The following XKR6 variants were observed in gnomAD, a reference collection of about 807,000 sequenced individuals.
XKR6 encodes the protein XK related 6.
XKR6 carries 22 observed loss-of-function variants against 56.7 expected under a neutral mutation model. That is an observed-to-expected ratio of 0.39 (90% confidence interval 0.28 to 0.55). The LOEUF (loss-of-function observed/expected upper bound fraction) is 0.55. Ranked by LOEUF, XKR6 falls within the 20% of genes least tolerant of loss-of-function variation. The pLI, the probability that XKR6 is intolerant of heterozygous loss-of-function variation, is 0.66. For synonymous variants in XKR6, 524 were observed against 387.8 expected (o/e 1.35, Z -4.13); for missense variants, 852 against 889.0 (o/e 0.96, Z 0.53).
In XKR6 at chr8:10,898,817, T is replaced by C. The variant is rs1799957550; in HGVS notation, c.1061A>G (p.Tyr354Cys). The C allele has an allele frequency of 6.2e-7, 1 of 1,614,194 alleles. No homozygotes were observed. Among genetic ancestry groups the C allele is most frequent in the Non-Finnish European group, 8.5e-7 (1 of 1,180,032 alleles). Residue 354 changes from tyrosine (Y) to cysteine (C), a missense_variant, in exon 3 of 3, where the codon TAC becomes TGC. This residue lies in a region of XKR6 where 199 missense variants were observed against 280.4 expected (regional missense o/e 0.71). Transcript: ENST00000416569. This position sits in a 1 kb window ranked among gnomAD's most constrained non-coding sequence, Gnocchi z 6.6. Reference sequence around the variant, plus strand: ...GAAGACCTGGATGATGGCCCCTCTGTAGCTCATGCTCTTCTTGTCGTCCCT... The same window carrying C: ...GAAGACCTGGATGATGGCCCCTCTGCAGCTCATGCTCTTCTTGTCGTCCCT... ...DSRDDKKSMS[Y>C]RGAIIQVFWR...
intron 1 of XKR6, among the ~76,000 whole-genome samples, chr8:10,973,365 G>GTT (rs1446069572): frequency 6.6e-6 from 1 of 152,154 alleles, no homozygotes; most frequent in Non-Finnish European, 1.5e-5. Context: ...GGTTCCATGG[G>GTT]TTCCCTGGCC....
At position 11,167,736 on chromosome 8, in the gene XKR6, C is replaced by T. The variant is rs545615837; in HGVS notation, c.764+32840G>A. 1.5e-3 allele frequency among the ~76,000 whole-genome samples: 228 copies of T among 152,168 alleles called. 2 individuals carry two copies. The highest frequency in any genetic ancestry group is 5.1e-3 in the African/African-American group (212 of 41,516). Reference sequence around the variant, plus strand: ...CTGGCTCACTATTGAAGGAGGGCCCCAGCAAAGAGCCAACCTGCAAAAACT... The same window carrying T: ...CTGGCTCACTATTGAAGGAGGGCCCTAGCAAAGAGCCAACCTGCAAAAACT... On this transcript the variant is annotated intron_variant, in intron 1 of 2. Coordinates refer to ENST00000416569, the MANE Select transcript of XKR6 (RefSeq NM_173683.4).
intron 1 of XKR6, among the ~76,000 whole-genome samples, chr8:10,925,953 C>T (rs973316265): frequency 6.6e-6 from 1 of 152,128 alleles, no homozygotes; most frequent in African/African-American, 2.4e-5. Flanking sequence ...GGCCACAGTG[C>T]ACAGCTCTGT....
At chr8:10,994,877 G>A (rs1228482301) in intron 1 of XKR6, among the ~76,000 whole-genome samples, 1 of 152,190 alleles carries the variant, frequency 6.6e-6, no homozygotes, top group Admixed American at 6.5e-5. Flanking sequence ...GGACAGCAGT[G>A]GGTGGGACAG....
At chr8:11,073,637 A>C (rs563587426) in intron 1 of XKR6, among the ~76,000 whole-genome samples, 1 of 152,320 alleles carries the variant, frequency 6.6e-6, no homozygotes, top group African/African-American at 2.4e-5. Context: ...TTCCAGACCA[A>C]AACTTTTCAT....
intron 1 of XKR6, among the ~76,000 whole-genome samples, chr8:11,032,671 C>G (rs902245581): frequency 1.3e-5 from 2 of 152,144 alleles, no homozygotes; most frequent in African/African-American, 4.8e-5. Flanking sequence ...GGTACAGGCT[C>G]ACTCCAACAG....
chr8:11,192,416 G>A (rs1176971742), intron 1 of XKR6, among the ~76,000 whole-genome samples: 2 of 152,076 alleles, frequency 1.3e-5, no homozygotes, highest in Non-Finnish European at 2.9e-5. Context: ...CCAAAGTGCT[G>A]GGATTACAGA....
chr8:11,030,856 G>T (rs79477057), intron 1 of XKR6, among the ~76,000 whole-genome samples: 4,116 of 152,264 alleles, frequency 0.027, 190 homozygotes, highest in African/African-American at 0.093. Context: ...GCCCTCTCAG[G>T]CTCCTCATTG....
At chr8:11,139,684 A>G (rs1800586584) in intron 1 of XKR6, among the ~76,000 whole-genome samples, 1 of 152,200 alleles carries the variant, frequency 6.6e-6, no homozygotes, top group Non-Finnish European at 1.5e-5. Context: ...AAGGCAGGTA[A>G]AACTGGGAGA....
At chr8:11,114,016 C>T (rs906275230) in intron 1 of XKR6, 14 of 404,956 alleles carry the variant, frequency 3.5e-5, no homozygotes, top group African/African-American at 3.0e-4. Context: ...GAGGCGATCG[C>T]TCACCTTCTA....
At chr8:10,929,020 G>A (rs1800982620) in intron 1 of XKR6, among the ~76,000 whole-genome samples, 1 of 152,196 alleles carries the variant, frequency 6.6e-6, no homozygotes, top group Non-Finnish European at 1.5e-5. Flanking sequence ...TCTATGGTCT[G>A]CGGGAATGGC....
chr8:11,087,398 T>A (rs1270835126), intron 1 of XKR6, among the ~76,000 whole-genome samples: 2 of 152,162 alleles, frequency 1.3e-5, no homozygotes, highest in Non-Finnish European at 2.9e-5. Flanking sequence ...TCCAATTTGC[T>A]CATGTCAATC....
chr8:11,191,455 T>G lies in XKR6; in HGVS notation c.764+9121A>C, dbSNP rs575990927. On this transcript the variant is annotated intron_variant, in intron 1 of 2. Transcript: ENST00000416569. ...GGCAGTCGCAACCTTAACCAAGGGATAAAACTTAGCATCACTAATAGTGGG... is the reference window on the plus strand; with the variant it reads ...GGCAGTCGCAACCTTAACCAAGGGAGAAAACTTAGCATCACTAATAGTGGG... Among the ~76,000 whole-genome samples, 8 of 152,324 alleles carry G rather than the reference T, an allele frequency of 5.3e-5. No homozygotes were observed. The South Asian group carries it at 1.7e-3, about 32-fold the overall frequency.
intron 1 of XKR6, among the ~76,000 whole-genome samples, chr8:11,014,252 G>A (rs931981256): frequency 5.3e-5 from 8 of 152,186 alleles, no homozygotes; most frequent in African/African-American, 1.9e-4. Context: ...TAAGTGTGAG[G>A]AAGAAAAGAC....
chr8:11,018,678 C>T (rs1798680515), intron 1 of XKR6, among the ~76,000 whole-genome samples: 1 of 152,200 alleles, frequency 6.6e-6, no homozygotes, highest in Non-Finnish European at 1.5e-5. Flanking sequence ...TCTTTCTCAG[C>T]AAAGTTTTAC....
intron 1 of XKR6, among the ~76,000 whole-genome samples, chr8:11,191,953 T>C (rs1449130331): frequency 6.6e-6 from 1 of 152,138 alleles, no homozygotes; most frequent in Non-Finnish European, 1.5e-5. Context: ...ACATTTCATA[T>C]TTGAGGTGAA....
chr8:10,966,623 G>T (rs568241115), intron 1 of XKR6, among the ~76,000 whole-genome samples: 1 of 152,154 alleles, frequency 6.6e-6, no homozygotes, highest in Non-Finnish European at 1.5e-5. Context: ...GCAGTGAGCT[G>T]AGATCGCACC....
At chr8:10,989,605 A>G (rs1018931419) in intron 1 of XKR6, among the ~76,000 whole-genome samples, 8 of 140,596 alleles carry the variant, frequency 5.7e-5, no homozygotes, top group East Asian at 3.9e-4. Context: ...AACATTCTGT[A>G]AGTTCCTTAG....
intron 1 of XKR6, among the ~76,000 whole-genome samples, chr8:11,046,165 G>A (rs971629809): frequency 6.6e-5 from 10 of 152,274 alleles, no homozygotes; most frequent in South Asian, 4.2e-4. Flanking sequence ...TTGGGAGGTC[G>A]AGGTGGGCAG....
Sources: allele counts gnomAD v4.1 joint callset (sites outside exome capture counted in the v4.1 genomes callset), GRCh38; gene constraint gnomAD v4.1.1; regional missense constraint gnomAD v4.1.1; non-coding constraint Gnocchi (gnomAD v3.1); transcripts MANE v1.5; gene names NCBI Gene and HGNC (gene_info 2026-07-23, HGNC 2026-07-21).